Variants in CTNNBL1 observed in about 807,000 individuals in gnomAD.
CTNNBL1 encodes the protein catenin beta like 1, also known as beta-catenin-like protein 1.
A neutral mutation model predicts 72.7 loss-of-function variants in CTNNBL1; 31 were observed. The observed-to-expected ratio is 0.43, with a 90% confidence interval of 0.32 to 0.58. The LOEUF is 0.58. Among genes scored for constraint, CTNNBL1 ranks in the 20% least tolerant of loss-of-function variants. CTNNBL1 has a pLI of 0.08. For missense variants in CTNNBL1, 534 were observed against 725.1 expected (o/e 0.74, Z 3.03); for synonymous variants, 240 against 267.3 (o/e 0.90, Z 1.00).
Position 37,872,102 on chromosome 20 carries a change from T to A in CTNNBL1, c.*89T>A. On this transcript the variant is annotated 3_prime_UTR_variant, in exon 16 of 16. Coordinates refer to ENST00000361383, the MANE Select transcript of CTNNBL1 (RefSeq NM_030877.5). ...AACTCTGTGTGGCTTTTGGACAAAT[T>A]AAAGCTAGTTTTGGTATCCCCGGGC... 1 of 1,241,312 alleles carries A rather than the reference T, an allele frequency of 8.1e-7. No homozygotes were observed. The highest frequency in any genetic ancestry group is 1.2e-6 in the Non-Finnish European group (1 of 850,560). 76.9% of individuals were successfully genotyped at this position (1,241,312 alleles called of 1,614,324 possible).
intron 10 of CTNNBL1, among the ~76,000 whole-genome samples, chr20:37,798,879 T>C (rs2073800872): frequency 6.6e-6 from 1 of 152,200 alleles, no homozygotes; most frequent in Admixed American, 6.5e-5. Context: ...AATACAGATA[T>C]TATATCTCAA....
intron 1 of CTNNBL1, among the ~76,000 whole-genome samples, chr20:37,729,608 A>G (rs1462669059): frequency 6.6e-6 from 1 of 152,036 alleles, no homozygotes; most frequent in Non-Finnish European, 1.5e-5. Flanking sequence ...GTGGAGAACT[A>G]TGGAGCTCAT....
Position 37,718,592 on chromosome 20 carries a change from AC to A in CTNNBL1, c.31-14279del, listed in dbSNP as rs1205264687. Among the ~76,000 whole-genome samples the A allele has an allele frequency of 1.1e-3, 110 of 100,520 alleles. 2 individuals are homozygous for A. Among genetic ancestry groups the A allele is most frequent in the African/African-American group, 3.7e-3 (95 of 25,784 alleles). 65.9% of individuals were successfully genotyped at this position (100,520 alleles called of 152,430 possible). ...GGGCGGATGGCCGGGCGGGGGGCTGACCCCCCCCACCTCCCTCCCGGACGGG... is the reference window on the plus strand; with the variant it reads ...GGGCGGATGGCCGGGCGGGGGGCTGACCCCCCCACCTCCCTCCCGGACGGG... On this transcript the variant is annotated intron_variant, in intron 1 of 15. Transcript: ENST00000361383.
intron 1 of CTNNBL1, among the ~76,000 whole-genome samples, chr20:37,716,884 A>G (rs893119238): frequency 8.5e-5 from 13 of 152,266 alleles, no homozygotes; most frequent in African/African-American, 2.9e-4. Context: ...GCTATTGAAT[A>G]ACAGACTTAT....
intron 10 of CTNNBL1, among the ~76,000 whole-genome samples, chr20:37,791,668 A>G (rs2073727071): frequency 6.6e-6 from 1 of 152,206 alleles, no homozygotes; most frequent in South Asian, 2.1e-4. Context: ...AGTGAGCATT[A>G]CTGCCTGAGC....
Position 37,796,547 on chromosome 20 carries a change from T to C in CTNNBL1, c.1032-6320T>C, listed in dbSNP as rs117905547. ...GTGGAAGTCCAGCAGTATATGACAC[T>C]TTTTAAGCTACATTTTCTTATTCTT... On this transcript the variant is annotated intron_variant, in intron 10 of 15. Coordinates refer to ENST00000361383, the MANE Select transcript of CTNNBL1 (RefSeq NM_030877.5). Among the ~76,000 whole-genome samples, 284 of 152,230 alleles carry C rather than the reference T, an allele frequency of 1.9e-3. 5 individuals carry two copies. The East Asian group carries it at 0.052, about 28-fold the overall frequency.
chr20:37,720,430 A>T (rs1031443609), intron 1 of CTNNBL1, among the ~76,000 whole-genome samples: 1 of 152,178 alleles, frequency 6.6e-6, no homozygotes, highest in Admixed American at 6.5e-5. Context: ...GATTGCTAAG[A>T]TTACTGGTGT....
intron 13 of CTNNBL1, among the ~76,000 whole-genome samples, chr20:37,859,218 G>A (rs912817391): frequency 3.3e-5 from 5 of 151,992 alleles, no homozygotes; most frequent in African/African-American, 9.7e-5. Context: ...TTAGCTGGGC[G>A]TGGTGGCACG....
chr20:37,738,507 A>G (rs1336385183), intron 3 of CTNNBL1, among the ~76,000 whole-genome samples: 2 of 151,236 alleles, frequency 1.3e-5, no homozygotes, highest in Non-Finnish European at 2.9e-5. Context: ...TTAATGTTCT[A>G]AACCTCTCTT....
chr20:37,860,113 C>G (rs1403946429), intron 14 of CTNNBL1, 77 bp downstream of exon 14: 29 of 1,029,902 alleles, frequency 2.8e-5, no homozygotes, highest in Non-Finnish European at 3.8e-5. Context: ...GACTCTCACT[C>G]AGGGAAAGAA....
At chr20:37,718,501 G>C (rs1161308862) in intron 1 of CTNNBL1, among the ~76,000 whole-genome samples, 1 of 138,594 alleles carries the variant, frequency 7.2e-6, no homozygotes, top group Non-Finnish European at 1.6e-5. Flanking sequence ...GCGGCTGGCC[G>C]GGCAGAGGGG....
At chr20:37,845,378 C>T (rs970085995) in intron 13 of CTNNBL1, among the ~76,000 whole-genome samples, 36 of 152,344 alleles carry the variant, frequency 2.4e-4, no homozygotes, top group Non-Finnish European at 3.1e-4. Flanking sequence ...GTAATCGCTG[C>T]AGCCACTCTC....
chr20:37,721,703 A>G (rs1268009561), intron 1 of CTNNBL1, among the ~76,000 whole-genome samples: 1 of 152,218 alleles, frequency 6.6e-6, no homozygotes, highest in Non-Finnish European at 1.5e-5. Context: ...AGCAATCAGT[A>G]TCCTGAATTT....
chr20:37,709,134 CA>C (rs368454227), intron 1 of CTNNBL1, among the ~76,000 whole-genome samples: 1 of 151,044 alleles, frequency 6.6e-6, no homozygotes, highest in African/African-American at 2.4e-5. Context: ...AGACTCCGTC[CA>C]AAAAAACAAA....
chr20:37,824,956 A>G (rs1328031198), intron 11 of CTNNBL1, among the ~76,000 whole-genome samples: 2 of 152,258 alleles, frequency 1.3e-5, no homozygotes, highest in Admixed American at 1.3e-4. Flanking sequence ...CTGACCTGAC[A>G]TTAATCACAT....
At chr20:37,847,370 A>G (rs988785574) in intron 13 of CTNNBL1, among the ~76,000 whole-genome samples, 2 of 152,054 alleles carry the variant, frequency 1.3e-5, no homozygotes, top group Non-Finnish European at 2.9e-5. Context: ...CAGGGCCATA[A>G]TGTCTCTGGA....
chr20:37,759,560 C>T (rs541130888), intron 5 of CTNNBL1, among the ~76,000 whole-genome samples: 42 of 152,258 alleles, frequency 2.8e-4, no homozygotes, highest in Admixed American at 8.5e-4. Context: ...AAACAGTTCA[C>T]CCTCAGTCTG....
intron 15 of CTNNBL1, among the ~76,000 whole-genome samples, chr20:37,866,929 CG>C (rs2065618161): frequency 6.6e-6 from 1 of 151,964 alleles, no homozygotes; most frequent in African/African-American, 2.4e-5. Context: ...TCGACTTCCC[CG>C]GGGCCTTGTG....
chr20:37,808,807 C>T (rs2071983015), intron 11 of CTNNBL1, among the ~76,000 whole-genome samples: 1 of 152,016 alleles, frequency 6.6e-6, no homozygotes, highest in East Asian at 1.9e-4. Flanking sequence ...CAGACAGCAC[C>T]AGATATTCAA....
Sources: gnomAD v4.1 joint callset for allele counts (sites outside exome capture counted in the v4.1 genomes callset) on GRCh38, gnomAD v4.1.1 for gene constraint, MANE v1.5 for transcripts, NCBI Gene and HGNC (gene_info 2026-07-23, HGNC 2026-07-21) for gene names.